The following TBC1D20 variants were observed in gnomAD, a reference collection of about 807,000 sequenced individuals.
TBC1D20 encodes TBC1 domain family member 20.
In TBC1D20, 12 loss-of-function variants were observed where a neutral mutation model predicts 41.6. The observed-to-expected ratio is 0.29, with a 90% CI of 0.18 to 0.47. The LOEUF is 0.47. TBC1D20 is among the 20% of genes least tolerant of loss of function. The pLI is 1.00. For missense variants in TBC1D20, 421 were observed against 517.4 expected, an observed-to-expected ratio of 0.81 and a Z score of 1.81; for synonymous variants, 205 against 204.8, an observed-to-expected ratio of 1.00 and a Z score of -0.01.
chr20:439,010 G>A lies in TBC1D20; in HGVS notation c.956+98C>T. 1 of 1,492,432 alleles carries A rather than the reference G, an allele frequency of 6.7e-7. No homozygotes were observed. Among genetic ancestry groups the A allele is most frequent in the Middle Eastern group, 2.2e-4 (1 of 4,618 alleles). The allele number at this position is 1,492,432 out of a possible 1,614,324, so 92.4% of individuals were successfully genotyped here. A position where few individuals can be genotyped will look rare whatever the true frequency, so the allele number is the denominator to read the frequency against. Reference sequence around the variant, plus strand: ...CCACTGGCCTAAGCTCAGATCTCTGGAAACATGCCCCAACCCTATCCCACC... The same window carrying A: ...CCACTGGCCTAAGCTCAGATCTCTGAAAACATGCCCCAACCCTATCCCACC... On this transcript the variant is annotated intron_variant, in intron 7 of 7. Coordinates refer to ENST00000354200, the MANE Select transcript of TBC1D20 (RefSeq NM_144628.4). The surrounding 1 kb of genome is among the most constrained non-coding windows in gnomAD (Gnocchi z 4.6).
intron 1 of TBC1D20, among the ~76,000 whole-genome samples, chr20:448,281 C>A (rs1457296868): frequency 6.6e-6 from 1 of 152,044 alleles, no homozygotes; most frequent in East Asian, 1.9e-4. Context: ...CTTGGAGAGC[C>A]CACTATAAAA....
At position 439,441 on chromosome 20, in the gene TBC1D20, G is replaced by T; in HGVS notation, c.769-146C>A. 1.6e-6 allele frequency: 1 copy of T among 617,516 alleles called. No individual in the cohort carries two copies. The allele number at this position is 617,516 out of a possible 1,614,324, so 38.3% of individuals were successfully genotyped here. On this transcript the variant is annotated intron_variant, in intron 6 of 7. Transcript: ENST00000354200. This position sits in a 1 kb window ranked among gnomAD's most constrained non-coding sequence, Gnocchi z 4.6. ...TTGAGCAAACTCTTGTATCCATCAAGGAAGTAATAACATATATACGCTCAG... is the reference window on the plus strand; with the variant it reads ...TTGAGCAAACTCTTGTATCCATCAATGAAGTAATAACATATATACGCTCAG...
Position 439,400 on chromosome 20 carries a change from G to C in TBC1D20, c.769-105C>G, listed in dbSNP as rs541502554. 1.2e-6 allele frequency: 1 copy of C among 845,004 alleles called. No homozygotes were observed. Among genetic ancestry groups the C allele is most frequent in the East Asian group, 2.6e-5 (1 of 38,954 alleles). 52.3% of individuals were successfully genotyped at this position (845,004 alleles called of 1,614,324 possible). On this transcript the variant is annotated intron_variant, in intron 6 of 7. Transcript: ENST00000354200. The surrounding 1 kb of genome is among the most constrained non-coding windows in gnomAD (Gnocchi z 4.6). Reference sequence around the variant, plus strand: ...GATGAATTTAAACTGGTAACAGACAGGACTCAGCCCAAATGTTGAGCAAAC... The same window carrying C: ...GATGAATTTAAACTGGTAACAGACACGACTCAGCCCAAATGTTGAGCAAAC...
intron 3 of TBC1D20, 66 bp downstream of exon 3, chr20:444,984 T>C (rs535285727): frequency 4.9e-4 from 707 of 1,434,086 alleles, no homozygotes; most frequent in Non-Finnish European, 6.7e-4. Flanking sequence ...GCATATTAGG[T>C]CACATGGTAT....
intron 1 of TBC1D20, among the ~76,000 whole-genome samples, chr20:451,907 G>C (rs1401614301): frequency 6.6e-6 from 1 of 152,128 alleles, no homozygotes; most frequent in Admixed American, 6.6e-5. Context: ...ATAACCTGTA[G>C]AATCTTATTT....
At chr20:447,795 G>A in intron 2 of TBC1D20, 94 bp downstream of exon 2, 1 of 1,113,294 alleles carries the variant, frequency 9.0e-7, no homozygotes, top group Non-Finnish European at 1.2e-6. Context: ...ATATACCCTT[G>A]GTTTGAAAGG....
chr20:448,194 T>A (rs926607836), intron 1 of TBC1D20, 120 bp from the exon 2 acceptor site: 1 of 640,402 alleles, frequency 1.6e-6, no homozygotes, highest in African/African-American at 1.8e-5. Context: ...GCTCTAAGAC[T>A]GCCTGCTGGC....
Position 462,492 on chromosome 20 carries a change from G to A in TBC1D20, c.-87C>T, listed in dbSNP as rs1300078170. ...GCTCCGACCGCGGGACGTAGCACCC[G>A]CTCGGCATCGGCAGGCTCCCCTCCG... On this transcript the variant is annotated 5_prime_UTR_variant, in exon 1 of 8. Coordinates refer to ENST00000354200, the MANE Select transcript of TBC1D20 (RefSeq NM_144628.4). 1.0e-5 allele frequency: 8 copies of A among 785,458 alleles called. No individual in the cohort carries two copies. Among genetic ancestry groups the A allele is most frequent in the African/African-American group, 5.6e-5 (3 of 53,920 alleles). 48.7% of individuals were successfully genotyped at this position (785,458 alleles called of 1,614,324 possible).
At position 438,745 on chromosome 20, in the gene TBC1D20, A is replaced by G. The variant is rs769441076; in HGVS notation, c.1053T>C (p.Pro351=). The change falls in exon 8 of 8, where the codon CCT becomes CCC. Residue 351 remains proline (P), a synonymous_variant. Transcript: ENST00000354200. The stretch of plus-strand genomic sequence containing the variant: ...TCAGGACATCTTTTGTTCGATCTTC[A>G]GGCCGCAGAAGTCCCCGAAACCGCT... ...LRQRFRGLLR[P]EDRTKDVLTK... 2 of 1,614,066 alleles carry G rather than the reference A, an allele frequency of 1.2e-6. No homozygotes were observed. Among genetic ancestry groups the G allele is most frequent in the Non-Finnish European group, 1.7e-6 (2 of 1,180,036 alleles).
intron 3 of TBC1D20, among the ~76,000 whole-genome samples, chr20:444,156 C>A (rs2017288664): frequency 6.6e-6 from 1 of 151,864 alleles, no homozygotes; most frequent in Non-Finnish European, 1.5e-5. Context: ...AGGGAGGCAT[C>A]TGTCCTATAT....
At chr20:461,411 C>T (rs1363125671) in intron 1 of TBC1D20, among the ~76,000 whole-genome samples, 4 of 152,200 alleles carry the variant, frequency 2.6e-5, no homozygotes, top group Non-Finnish European at 1.5e-5. Context: ...GTCACCCAGG[C>T]CGGAGTGCAG....
intron 3 of TBC1D20, among the ~76,000 whole-genome samples, chr20:444,759 C>A (rs560039164): frequency 6.6e-6 from 1 of 152,298 alleles, no homozygotes; most frequent in South Asian, 2.1e-4. Flanking sequence ...CCAATCTGCT[C>A]TTTAATGCCA....
intron 1 of TBC1D20, among the ~76,000 whole-genome samples, chr20:453,387 TTGCTTGAACCTGG>T (rs1190986726): frequency 8.9e-5 from 13 of 145,828 alleles, no homozygotes; most frequent in African/African-American, 2.1e-4. Flanking sequence ...GGCAGGAGAA[TTGCTTGAACCTGG>T]GAGGCAGAGG....
rs1411403639 is a variant in TBC1D20, at chr20:436,485, C to T, written c.*2101G>A. ...CCACAACTCAAGCAAATGCCACTTG[C>T]TTCCTAGGATCTGAAAAGCTGTGGC... On this transcript the variant is annotated 3_prime_UTR_variant, in exon 8 of 8. Coordinates refer to ENST00000354200, the MANE Select transcript of TBC1D20 (RefSeq NM_144628.4). 1 of 153,372 alleles carries T rather than the reference C, an allele frequency of 6.5e-6. No homozygotes were observed. Among genetic ancestry groups the T allele is most frequent in the Non-Finnish European group, 1.5e-5 (1 of 68,040 alleles). The allele number at this position is 153,372 out of a possible 1,614,324, so 9.5% of individuals were successfully genotyped here.
chr20:448,162 T>G, intron 1 of TBC1D20, 88 bp from the exon 2 acceptor site: 3 of 847,052 alleles, frequency 3.5e-6, no homozygotes, highest in South Asian at 1.6e-5. Context: ...TGATATGAGG[T>G]ACAGGTAAGT....
At chr20:460,735 T>C (rs1473670220) in intron 1 of TBC1D20, among the ~76,000 whole-genome samples, 1 of 152,214 alleles carries the variant, frequency 6.6e-6, no homozygotes, top group Non-Finnish European at 1.5e-5. Context: ...ATTCTAGCAT[T>C]AGTAACTTTG....
At chr20:453,178 A>AAAAC (rs2017477843) in intron 1 of TBC1D20, among the ~76,000 whole-genome samples, 1 of 144,752 alleles carries the variant, frequency 6.9e-6, no homozygotes, top group African/African-American at 2.6e-5. Context: ...AAAAAAAAAA[A>AAAAC]AAAAAAAAAA....
Position 462,499 on chromosome 20 carries a change from A to G in TBC1D20, c.-94T>C, listed in dbSNP as rs2017654314. The G allele has an allele frequency of 4.2e-6, 3 of 706,316 alleles. No individual in the cohort carries two copies. The highest frequency in any genetic ancestry group is 5.6e-6 in the Non-Finnish European group (3 of 537,908). 43.8% of individuals were successfully genotyped at this position (706,316 alleles called of 1,614,324 possible). On this transcript the variant is annotated 5_prime_UTR_variant, in exon 1 of 8. The change abolishes an upstream ATG in the 5' untranslated region. Transcript: ENST00000354200. ...CCGCGGGACGTAGCACCCGCTCGGCATCGGCAGGCTCCCCTCCGTCGGCCA... is the reference window on the plus strand; with the variant it reads ...CCGCGGGACGTAGCACCCGCTCGGCGTCGGCAGGCTCCCCTCCGTCGGCCA...
intron 2 of TBC1D20, among the ~76,000 whole-genome samples, chr20:446,943 A>ATTTTTT (rs35489596): frequency 6.6e-5 from 5 of 75,910 alleles, no homozygotes; most frequent in East Asian, 3.1e-4. Context: ...CAAAATACGC[A>ATTTTTT]TTTTTTTTTT....
Sources: gnomAD v4.1 joint callset for allele counts (sites outside exome capture counted in the v4.1 genomes callset) on GRCh38, gnomAD v4.1.1 for gene constraint, Gnocchi (gnomAD v3.1) non-coding constraint, MANE v1.5 for transcripts, NCBI Gene and HGNC (gene_info 2026-07-23, HGNC 2026-07-21) for gene names.